Variants in MAP3K19 observed in about 807,000 individuals in gnomAD.
MAP3K19 encodes the protein mitogen-activated protein kinase kinase kinase 19, also known as SPS1/STE20-related protein kinase YSK4.
In MAP3K19, 91 loss-of-function variants were observed where a neutral mutation model predicts 114.4. That is an observed-to-expected ratio of 0.80 (90% CI 0.67 to 0.95). The LOEUF is 0.95. MAP3K19 is among the 40% of genes least tolerant of loss of function. The pLI, the probability that MAP3K19 is intolerant of heterozygous loss-of-function variation, is 0.00. For missense variants in MAP3K19, 1,471 were observed against 1,573.2 expected, an observed-to-expected ratio of 0.94 and a Z score of 1.10; for synonymous variants, 518 against 530.5, an observed-to-expected ratio of 0.98 and a Z score of 0.32.
chr2:134,969,085 C>T (rs1029935266), intron 12 of MAP3K19, among the ~76,000 whole-genome samples: 4 of 152,156 alleles, frequency 2.6e-5, no homozygotes, highest in Non-Finnish European at 4.4e-5. Context: ...AACGAGACTC[C>T]GTCTGCAATC....
At chr2:135,030,946 A>G (rs747062186) in intron 2 of MAP3K19, among the ~76,000 whole-genome samples, 1 of 152,142 alleles carries the variant, frequency 6.6e-6, no homozygotes, top group Non-Finnish European at 1.5e-5. Flanking sequence ...AAATACAAAA[A>G]CAAAGATGAT....
chr2:135,028,016 A>G (rs973971616), intron 3 of MAP3K19, among the ~76,000 whole-genome samples: 10 of 152,256 alleles, frequency 6.6e-5, no homozygotes. Context: ...ATGTATTTAT[A>G]CAAAAAACTA....
intron 6 of MAP3K19, among the ~76,000 whole-genome samples, chr2:135,004,272 A>G (rs750640914): frequency 1.1e-4 from 17 of 152,234 alleles, no homozygotes; most frequent in Non-Finnish European, 2.5e-4. Flanking sequence ...GAGGACTGCA[A>G]GGACCGTTCT....
chr2:134,984,027 T>C (rs545005203), intron 10 of MAP3K19, among the ~76,000 whole-genome samples: 25 of 152,342 alleles, frequency 1.6e-4, no homozygotes, highest in African/African-American at 6.0e-4. Context: ...TATACACATT[T>C]TAAAACCACA....
chr2:135,028,911 T>C (rs1375877770), intron 3 of MAP3K19, among the ~76,000 whole-genome samples: 1 of 152,204 alleles, frequency 6.6e-6, no homozygotes, highest in Non-Finnish European at 1.5e-5. Context: ...CCACCTCTGA[T>C]ATCAATGTTT....
In MAP3K19 at chr2:134,969,021, C is replaced by T. The variant is rs551312372; in HGVS notation, c.3921-4105G>A. On this transcript the variant is annotated intron_variant, in intron 12 of 12. Coordinates refer to ENST00000392915, the MANE Select transcript of MAP3K19 (RefSeq NM_025052.5). The stretch of plus-strand genomic sequence containing the variant: ...GGCTGCTGGGAGGTGGAGGTTGTAG[C>T]GAACCGGGATCACGCCGCTGCACTC... Among the ~76,000 whole-genome samples, 342 of 152,260 alleles carry T rather than the reference C, an allele frequency of 2.2e-3. 1 individual carries two copies. Among genetic ancestry groups the T allele is most frequent in the African/African-American group, 7.8e-3 (322 of 41,548 alleles).
chr2:135,014,924 A>G (rs1390322020), intron 5 of MAP3K19, among the ~76,000 whole-genome samples: 2 of 152,194 alleles, frequency 1.3e-5, no homozygotes, highest in Admixed American at 1.3e-4. Flanking sequence ...TGAATATACC[A>G]CAATTTATGT....
chr2:135,029,460 A>C (rs2104782624), intron 3 of MAP3K19, among the ~76,000 whole-genome samples: 1 of 152,344 alleles, frequency 6.6e-6, no homozygotes, highest in Non-Finnish European at 1.5e-5. Context: ...ATTGTCTTTC[A>C]AAAAAATTTC....
At chr2:135,031,124 G>A (rs1486582735) in intron 2 of MAP3K19, among the ~76,000 whole-genome samples, 1 of 148,658 alleles carries the variant, frequency 6.7e-6, no homozygotes, top group African/African-American at 2.5e-5. Flanking sequence ...AGCCTTTAAA[G>A]TATTTGCAGT....
At chr2:135,042,956 A>C (rs533319886) in intron 1 of MAP3K19, among the ~76,000 whole-genome samples, 1 of 151,694 alleles carries the variant, frequency 6.6e-6, no homozygotes, top group South Asian at 2.1e-4. Context: ...GGTGGCGCGC[A>C]CCTGTAATCC....
In MAP3K19 at chr2:135,032,668, G is replaced by T. The variant is rs1283406733; in HGVS notation, c.-283-2168C>A. Among the ~76,000 whole-genome samples, 8 of 145,812 alleles carry T rather than the reference G, an allele frequency of 5.5e-5. No homozygotes were observed. In the East Asian group the frequency reaches 1.6e-3, roughly 29 times the overall value. ...CTTGGGTGTTTCTCGCAGAGGGGGA[G>T]TTGGCAGGGTCATAGGACAATAGTG... is the stretch of plus-strand genomic sequence containing the variant. On this transcript the variant is annotated intron_variant, in intron 2 of 12. Coordinates refer to ENST00000392915, the MANE Select transcript of MAP3K19 (RefSeq NM_025052.5).
In MAP3K19 at chr2:134,988,125, T is replaced by C. The variant is rs757727403; in HGVS notation, c.747A>G (p.Ser249=). 2.5e-6 allele frequency: 4 copies of C among 1,614,094 alleles called. No individual in the cohort carries two copies. In the Admixed American group the frequency reaches 6.7e-5, roughly 27 times the overall value. The part of the protein sequence containing the change: ...PSLTSFVPKL[S]VSVRQSDELS... ...GCTCATCAGATTGACGAACAGACACTGAGAGCTTAGGCACAAAAGATGTGA... is the reference window on the plus strand; with the variant it reads ...GCTCATCAGATTGACGAACAGACACCGAGAGCTTAGGCACAAAAGATGTGA... Residue 249 remains serine, a synonymous_variant, in exon 10 of 13, where the codon TCA becomes TCG. Coordinates refer to ENST00000392915, the MANE Select transcript of MAP3K19 (RefSeq NM_025052.5).
At position 134,987,924 on chromosome 2, in the gene MAP3K19, A is replaced by G; in HGVS notation, c.948T>C (p.Cys316=). 2 of 1,614,172 alleles carry G rather than the reference A, an allele frequency of 1.2e-6. No homozygotes were observed. The highest frequency in any genetic ancestry group is 1.3e-5 in the African/African-American group (1 of 75,052). The change falls in exon 10 of 13, where the codon TGT becomes TGC. Residue 316 remains cysteine, a synonymous_variant. Transcript: ENST00000392915. The part of the protein sequence containing the change: ...ENWKSKEIEE[C]NKIEITHFEK... ...CAAAGTGAGTGATTTCAATTTTGTT[A>G]CATTCTTCTATTTCCTTGGATTTCC...
intron 8 of MAP3K19, among the ~76,000 whole-genome samples, chr2:134,996,271 CTTT>C (rs61265758): frequency 0.011 from 1,329 of 125,748 alleles, 17 homozygotes; most frequent in African/African-American, 0.037. Context: ...CTTCTTATTT[CTTT>C]TTTTTTTTTT....
At chr2:134,982,540 G>A (rs1684780606) in intron 11 of MAP3K19, among the ~76,000 whole-genome samples, 2 of 151,326 alleles carry the variant, frequency 1.3e-5, no homozygotes, top group Non-Finnish European at 2.9e-5. Context: ...TAGTAGAGAC[G>A]GGGTTTTACC....
At position 135,010,840 on chromosome 2, in the gene MAP3K19, A is replaced by G. The variant is rs1422154055; in HGVS notation, c.139-5309T>C. Among the ~76,000 whole-genome samples the G allele has an allele frequency of 2.0e-5, 3 of 152,194 alleles. No homozygotes were observed. The East Asian group carries it at 5.8e-4, about 29-fold the overall frequency. ...GAGACAAAGTCTTATTATGTTGCCC[A>G]GGGGTGTCTCGAATGCCTGGACTCA... On this transcript the variant is annotated intron_variant, in intron 5 of 12. Transcript: ENST00000392915.
intron 4 of MAP3K19, among the ~76,000 whole-genome samples, chr2:135,024,096 T>C (rs935697124): frequency 7.9e-5 from 12 of 152,198 alleles, no homozygotes; most frequent in Admixed American, 5.2e-4. Context: ...TGCATCCTTT[T>C]TTCAAAGGTC....
chr2:135,018,631 C>T (rs1265275119), intron 5 of MAP3K19, among the ~76,000 whole-genome samples: 2 of 152,242 alleles, frequency 1.3e-5, no homozygotes, highest in African/African-American at 4.8e-5. Context: ...TAAGCCACTG[C>T]ACCTGGACCA....
chr2:135,046,373 G>T (rs1688744774), intron 1 of MAP3K19, among the ~76,000 whole-genome samples: 1 of 152,010 alleles, frequency 6.6e-6, no homozygotes, highest in South Asian at 2.1e-4. Flanking sequence ...CGCCTCCTAG[G>T]TTCAAACAAT....
Sources: gnomAD v4.1 joint callset for allele counts (sites outside exome capture counted in the v4.1 genomes callset) on GRCh38, gnomAD v4.1.1 for gene constraint, MANE v1.5 for transcripts, NCBI Gene and HGNC (gene_info 2026-07-23, HGNC 2026-07-21) for gene names.